LAMA3: variants seen among roughly 807,000 people sequenced by gnomAD.
The protein encoded by LAMA3 is laminin subunit alpha-3.
In LAMA3, 281 loss-of-function variants were observed where a neutral mutation model predicts 402.0. That is an observed-to-expected ratio of 0.70 (90% CI 0.63 to 0.77). The LOEUF (loss-of-function observed/expected upper bound fraction) is 0.77. Ranked by LOEUF, LAMA3 falls within the 30% of genes least tolerant of loss-of-function variation. LAMA3 has a pLI of 0.00. For missense variants in LAMA3, 3,840 were observed against 4,215.5 expected, an observed-to-expected ratio of 0.91 and a Z score of 2.47; for synonymous variants, 1,431 against 1,558.4, an observed-to-expected ratio of 0.92 and a Z score of 1.93.
chr18:23,756,980 G>A (rs992851871), intron 6 of LAMA3, among the ~76,000 whole-genome samples: 4 of 139,794 alleles, frequency 2.9e-5, no homozygotes, highest in African/African-American at 1.1e-4. Flanking sequence ...GTAACTGGCT[G>A]AAGCACCAGG....
intron 42 of LAMA3, 109 bp from the exon 43 acceptor site, chr18:23,894,189 A>G (rs1208058114): frequency 5.3e-5 from 45 of 856,672 alleles, no homozygotes; most frequent in Non-Finnish European, 3.7e-5. Flanking sequence ...TTACTTTTGC[A>G]CCAAACTAAT....
At position 23,753,784 on chromosome 18, in the gene LAMA3, G is replaced by C; in HGVS notation, c.919G>C (p.Val307Leu). The stretch of plus-strand genomic sequence containing the variant: ...GTGTGTTTGCAATGGCCATGCTGAA[G>C]TGTGCAATATAAACAATCCTGAAAA... ...GQCVCNGHAE[V>L]CNINNPEKLF... is the part of the protein sequence containing the mutation. The change falls in exon 6 of 75, where the codon GTG becomes CTG. Residue 307 changes from valine to leucine, a missense_variant. By Grantham distance (32) the Val-to-Leu change is conservative. This residue lies in a region of LAMA3 where 2,109 missense variants were observed against 2,376.0 expected (regional missense o/e 0.89). Coordinates refer to ENST00000313654, the MANE Select transcript of LAMA3 (RefSeq NM_198129.4). 6.2e-7 allele frequency: 1 copy of C among 1,613,822 alleles called. No individual in the cohort carries two copies. The highest frequency in any genetic ancestry group is 8.5e-7 in the Non-Finnish European group (1 of 1,179,724).
intron 62 of LAMA3, among the ~76,000 whole-genome samples, chr18:23,927,845 T>C (rs1381540069): frequency 6.6e-6 from 1 of 151,998 alleles, no homozygotes; most frequent in Non-Finnish European, 1.5e-5. Flanking sequence ...ATATTGTGCA[T>C]GTTCTCTGTC....
intron 62 of LAMA3, among the ~76,000 whole-genome samples, chr18:23,927,312 G>A (rs2082030415): frequency 6.6e-6 from 1 of 152,102 alleles, no homozygotes; most frequent in South Asian, 2.1e-4. Context: ...GGGACTACAG[G>A]TGCCTGCCAC....
At chr18:23,857,421 C>T in intron 32 of LAMA3, among the ~76,000 whole-genome samples, 1 of 152,226 alleles carries the variant, frequency 6.6e-6, no homozygotes, top group East Asian at 1.9e-4. Context: ...CCAACTTCTA[C>T]CCTATGACTC....
rs751285403 is a variant in LAMA3 at position 23,914,679 on chromosome 18, C to T, written c.7482-19C>T. The stretch of plus-strand genomic sequence containing the variant: ...CAAATTTTTTGTTTAACTTTATTAT[C>T]TAAATTCATTTTAAACAGAATTTAT... On this transcript the variant is annotated intron_variant, in intron 57 of 74. Transcript: ENST00000313654. The T allele has an allele frequency of 6.2e-7, 1 of 1,603,140 alleles. No individual in the cohort carries two copies. Among genetic ancestry groups the T allele is most frequent in the Admixed American group, 1.7e-5 (1 of 59,030 alleles).
intron 2 of LAMA3, among the ~76,000 whole-genome samples, chr18:23,720,432 GC>G (rs2061189512): frequency 6.6e-6 from 1 of 152,054 alleles, no homozygotes; most frequent in South Asian, 2.1e-4. Flanking sequence ...TCGGCTGACT[GC>G]AACCTCTGCC....
At chr18:23,840,007 G>C (rs2063663320) in intron 27 of LAMA3, 78 bp downstream of exon 27, 2 of 1,487,844 alleles carry the variant, frequency 1.3e-6, no homozygotes, top group East Asian at 4.5e-5. Flanking sequence ...TTGGAAACTT[G>C]TCAGCAATGC....
intron 27 of LAMA3, among the ~76,000 whole-genome samples, chr18:23,841,423 C>T (rs1335868439): frequency 1.3e-5 from 2 of 152,086 alleles, no homozygotes; most frequent in African/African-American, 2.4e-5. Context: ...CACTCGTTTT[C>T]ATGGTGGGAG....
chr18:23,722,789 A>G (rs1205260678), intron 2 of LAMA3, among the ~76,000 whole-genome samples: 2 of 152,204 alleles, frequency 1.3e-5, no homozygotes, highest in Non-Finnish European at 2.9e-5. Context: ...AGTTAAGATG[A>G]TAAAATGATA....
intron 12 of LAMA3, among the ~76,000 whole-genome samples, chr18:23,796,757 C>CT (rs1183142312): frequency 2.0e-5 from 3 of 151,986 alleles, no homozygotes; most frequent in African/African-American, 7.3e-5. Flanking sequence ...CCAGGCTGAT[C>CT]TTTAACTCCT....
At chr18:23,882,789 A>G (rs946701767) in intron 40 of LAMA3, among the ~76,000 whole-genome samples, 1 of 152,168 alleles carries the variant, frequency 6.6e-6, no homozygotes, top group Admixed American at 6.5e-5. Flanking sequence ...AAGGAAGAAG[A>G]CAGAGGCAGT....
At chr18:23,909,853 A>G (rs1313554274) in intron 55 of LAMA3, among the ~76,000 whole-genome samples, 1 of 152,196 alleles carries the variant, frequency 6.6e-6, no homozygotes, top group East Asian at 1.9e-4. Flanking sequence ...TATATTTTCC[A>G]ATAACTCCTA....
rs1599062115 is a variant in LAMA3 at position 23,907,772 on chromosome 18, G to T, written c.6852G>T (p.Met2284Ile). Residue 2284 changes from methionine to isoleucine, a missense_variant, in exon 54 of 75, where the codon ATG becomes ATT. Around this residue, in one of 3 missense-constraint regions of LAMA3, gnomAD observed 891 missense variants for 857.5 expected, o/e 1.04. Coordinates refer to ENST00000313654, the MANE Select transcript of LAMA3 (RefSeq NM_198129.4). ...GTGCATTAGGTGATATTGATGCTATGATCAGTAGTGCAAAGAGCATGGTCA... is the reference window on the plus strand; with the variant it reads ...GTGCATTAGGTGATATTGATGCTATTATCAGTAGTGCAAAGAGCATGGTCA... ...HGIQRGDIDA[M>I]ISSAKSMVRK... 1 of 1,614,114 alleles carries T rather than the reference G, an allele frequency of 6.2e-7. No individual in the cohort carries two copies. Among genetic ancestry groups the T allele is most frequent in the Non-Finnish European group, 8.5e-7 (1 of 1,180,018 alleles).
intron 2 of LAMA3, among the ~76,000 whole-genome samples, chr18:23,740,063 G>A (rs182135252): frequency 1.3e-5 from 2 of 152,312 alleles, no homozygotes; most frequent in East Asian, 1.9e-4. Flanking sequence ...AACCAGGTCC[G>A]AGACAAAACA....
At chr18:23,920,910 C>A in intron 60 of LAMA3, 25 bp from the exon 61 acceptor site, 2 of 1,613,346 alleles carry the variant, frequency 1.2e-6, no homozygotes, top group South Asian at 2.2e-5. Context: ...GCCTTCTGGT[C>A]ATCTGCATTG....
At position 23,911,561 on chromosome 18, in the gene LAMA3, A is replaced by G. The variant is rs145014132; in HGVS notation, c.7159-1150A>G. On this transcript the variant is annotated intron_variant, in intron 55 of 74. Transcript: ENST00000313654. ...TTTTTGTAGTGATTTAAATTTGAAT[A>G]TGTTTTACAAAAGTATTTGTCCCTG... Among the ~76,000 whole-genome samples the G allele has an allele frequency of 2.0e-5, 3 of 151,864 alleles. No homozygotes were observed. The East Asian group carries it at 5.8e-4, about 29-fold the overall frequency.
chr18:23,875,805 C>T (rs1359415108), intron 38 of LAMA3, among the ~76,000 whole-genome samples: 1 of 152,116 alleles, frequency 6.6e-6, no homozygotes, highest in Non-Finnish European at 1.5e-5. Flanking sequence ...CCATTTCCAC[C>T]TTCTCCACCT....
At chr18:23,941,863 T>C (rs981604523) in intron 68 of LAMA3, among the ~76,000 whole-genome samples, 2 of 152,184 alleles carry the variant, frequency 1.3e-5, no homozygotes, top group Non-Finnish European at 2.9e-5. Context: ...ATATGGAAAG[T>C]ACATTCTATT....
Sources: gnomAD v4.1 joint callset for allele counts (sites outside exome capture counted in the v4.1 genomes callset) on GRCh38, gnomAD v4.1.1 for gene constraint, gnomAD v4.1.1 regional missense constraint, MANE v1.5 for transcripts, NCBI Gene and HGNC (gene_info 2026-07-23, HGNC 2026-07-21) for gene names.